The following SYT7 variants were observed in gnomAD, a reference collection of about 807,000 sequenced individuals.
SYT7 encodes synaptotagmin-7.
A neutral mutation model predicts 75.1 loss-of-function variants in SYT7; 29 were observed. That is an observed-to-expected ratio of 0.39 (90% confidence interval 0.29 to 0.53). The LOEUF is 0.53. SYT7 is among the 20% of genes least tolerant of loss of function. The pLI is 0.77. For synonymous variants in SYT7, 376 were observed against 401.7 expected (o/e 0.94, Z 0.76); for missense variants, 693 against 953.2 (o/e 0.73, Z 3.59).
intron 1 of SYT7, among the ~76,000 whole-genome samples, chr11:61,579,991 G>A (rs1240966012): frequency 1.3e-5 from 2 of 152,176 alleles, no homozygotes; most frequent in African/African-American, 4.8e-5. Context: ...AGCAATTTCC[G>A]AGGAAGACGG....
intron 3 of SYT7, among the ~76,000 whole-genome samples, chr11:61,550,222 G>A (rs1342675787): frequency 1.3e-5 from 2 of 152,068 alleles, no homozygotes; most frequent in Non-Finnish European, 2.9e-5. Context: ...CCCCACCCCA[G>A]ACACATGCAC....
chr11:61,573,398 C>T (rs1331494698), intron 1 of SYT7, among the ~76,000 whole-genome samples: 1 of 152,158 alleles, frequency 6.6e-6, no homozygotes, highest in African/African-American at 2.4e-5. Flanking sequence ...GCAAGCTTTC[C>T]AAGGGCAGGG....
Position 61,552,178 on chromosome 11 carries a change from A to T in SYT7, c.136-715T>A, listed in dbSNP as rs528489529. On this transcript the variant is annotated intron_variant, in intron 2 of 12. Coordinates refer to ENST00000539008, the MANE Select transcript of SYT7 (RefSeq NM_001365809.2). ...GTACCCCAGGTCCTCCAGCTAAAGG[A>T]AGGGCCGTGGCCACAGCGGCAACTG... 1.9e-3 allele frequency among the ~76,000 whole-genome samples: 295 copies of T among 152,204 alleles called. 1 individual carries two copies. Among genetic ancestry groups the T allele is most frequent in the African/African-American group, 6.9e-3 (286 of 41,528 alleles).
chr11:61,540,811 TTCCCTCGACTCTCCAAGA>T (rs1327542471), intron 6 of SYT7: 3 of 985,294 alleles, frequency 3.0e-6, no homozygotes, highest in Non-Finnish European at 2.4e-6. Context: ...GCAGACCCAA[TTCCCTCGACTCTCCAAGA>T]TCCACGCCTG....
chr11:61,553,443 C>A lies in SYT7; in HGVS notation c.136-1980G>T, dbSNP rs938794129. Among the ~76,000 whole-genome samples, 1 of 152,214 alleles carries A rather than the reference C, an allele frequency of 6.6e-6. No individual in the cohort carries two copies. The highest frequency in any genetic ancestry group is 2.1e-4 in the South Asian group (1 of 4,830). On this transcript the variant is annotated intron_variant, in intron 2 of 12. Transcript: ENST00000539008. This position sits in a 1 kb window ranked among gnomAD's most constrained non-coding sequence, Gnocchi z 5.2. ...ACCCTCTCGTAAGGCAGGGCCGCTG[C>A]CCCTTCCCCGAGGCCAGGAAGGGCA...
At chr11:61,525,183 G>A (rs568946254) in intron 9 of SYT7, among the ~76,000 whole-genome samples, 204 of 152,256 alleles carry the variant, frequency 1.3e-3, no homozygotes, top group Middle Eastern at 3.4e-3. Flanking sequence ...CGCCCTCCCC[G>A]CATCCACGCT....
At position 61,551,314 on chromosome 11, in the gene SYT7, G is replaced by T; in HGVS notation, c.215+70C>A. The T allele has an allele frequency of 7.0e-7, 1 of 1,425,616 alleles. No individual in the cohort carries two copies. The highest frequency in any genetic ancestry group is 9.9e-7 in the Non-Finnish European group (1 of 1,014,650). 88.3% of individuals were successfully genotyped at this position (1,425,616 alleles called of 1,614,324 possible). On this transcript the variant is annotated intron_variant, in intron 3 of 12. Transcript: ENST00000539008. The surrounding 1 kb of genome is among the most constrained non-coding windows in gnomAD (Gnocchi z 5.3). The stretch of plus-strand genomic sequence containing the variant: ...GTGTGGTCAGGTCTGTGGGGCTGGG[G>T]GAGAGAAGGGGCTCCTCCCACCTGG...
At chr11:61,585,305 G>A (rs198761), upstream of SYT7, among the ~76,000 whole-genome samples, 5,245 of 152,114 alleles carry the variant, frequency 0.034, 308 homozygotes, top group African/African-American at 0.12. Context: ...TGCTGAGGAA[G>A]CTGTTTGTGC....
chr11:61,528,981 A>G (rs1359297013), intron 8 of SYT7, among the ~76,000 whole-genome samples: 2 of 152,122 alleles, frequency 1.3e-5, no homozygotes, highest in Non-Finnish European at 2.9e-5. Context: ...CCGTTCTGAC[A>G]TTGAACCACA....
rs1352166952 is a variant in SYT7, at chr11:61,516,220, G to GCCCAC, written c.*2402_*2406dup. 1 of 152,094 alleles carries GCCCAC rather than the reference G, an allele frequency of 6.6e-6. No homozygotes were observed. Among genetic ancestry groups the GCCCAC allele is most frequent in the African/African-American group, 2.4e-5 (1 of 41,318 alleles). The allele number at this position is 152,094 out of a possible 1,614,324, so 9.4% of individuals were successfully genotyped here. A position where few individuals can be genotyped will look rare whatever the true frequency, so the allele number is the denominator to read the frequency against. On this transcript the variant is annotated 3_prime_UTR_variant, in exon 13 of 13. Transcript: ENST00000539008. This position sits in a 1 kb window ranked among gnomAD's most constrained non-coding sequence, Gnocchi z 4.6. ...CCCGTGCTAGCCTACCCGGCCCTCG[G>GCCCAC]CCCACCGCTTGCCGCCCCAACATAG...
At chr11:61,533,880 C>A (rs894969537) in intron 7 of SYT7, among the ~76,000 whole-genome samples, 2 of 152,136 alleles carry the variant, frequency 1.3e-5, no homozygotes, top group Non-Finnish European at 2.9e-5. Flanking sequence ...CAGTTCCCAT[C>A]CTTCTCCCAC....
intron 1 of SYT7, among the ~76,000 whole-genome samples, chr11:61,560,059 A>C (rs563054992): frequency 6.6e-6 from 1 of 152,322 alleles, no homozygotes; most frequent in African/African-American, 2.4e-5. Flanking sequence ...CTCCACATGC[A>C]GTCACAACGA....
At chr11:61,530,814 G>A in intron 8 of SYT7, 1 of 985,402 alleles carries the variant, frequency 1.0e-6, no homozygotes, top group Non-Finnish European at 1.2e-6. Flanking sequence ...GCCTTCTTAA[G>A]CCACAACCCT....
In SYT7 at chr11:61,556,046, A is replaced by AG. The variant is rs1383848054; in HGVS notation, c.135+57dup. ...CCTGTAATTGTGTGTGTGTGTGGGG[A>AG]GGGGGGGCAGTGTGCAGGGCTAGGC... On this transcript the variant is annotated intron_variant, in intron 2 of 12. Transcript: ENST00000539008. 271 of 1,415,796 alleles carry AG rather than the reference A, an allele frequency of 1.9e-4. No homozygotes were observed. The African/African-American group carries it at 2.9e-3, about 15-fold the overall frequency. 87.7% of individuals were successfully genotyped at this position (1,415,796 alleles called of 1,614,324 possible).
At chr11:61,538,306 G>A in intron 6 of SYT7, 40 bp from the exon 7 acceptor site, 2 of 1,508,296 alleles carry the variant, frequency 1.3e-6, no homozygotes, top group Non-Finnish European at 1.8e-6. Context: ...GGTGAAACGA[G>A]GAGGCCCCGT....
At chr11:61,541,075 CT>C (rs2063029390) in intron 6 of SYT7, 1 of 985,388 alleles carries the variant, frequency 1.0e-6, no homozygotes, top group African/African-American at 1.7e-5. Flanking sequence ...GGTGGGGTGT[CT>C]CTCCCAGGGC....
In SYT7 at chr11:61,529,023, C is replaced by T. The variant is rs1039525688; in HGVS notation, c.1201-838G>A. 7.2e-5 allele frequency among the ~76,000 whole-genome samples: 11 copies of T among 152,100 alleles called. 1 individual carries two copies. Among genetic ancestry groups the T allele is most frequent in the Admixed American group, 3.3e-4 (5 of 15,272 alleles). On this transcript the variant is annotated intron_variant, in intron 8 of 12. Transcript: ENST00000539008. Reference sequence around the variant, plus strand: ...AGCTGGGAGGAGGGTCTCCCAGCCACGTGTCTGAACCTGTGAGCACACCAG... The same window carrying T: ...AGCTGGGAGGAGGGTCTCCCAGCCATGTGTCTGAACCTGTGAGCACACCAG...
At chr11:61,556,490 G>A (rs1451016021) in intron 1 of SYT7, among the ~76,000 whole-genome samples, 3 of 152,138 alleles carry the variant, frequency 2.0e-5, no homozygotes, top group South Asian at 2.1e-4. Flanking sequence ...GATCTGTGCC[G>A]GCCTCCAAAC....
At chr11:61,540,657 T>TA in intron 6 of SYT7, 1 of 985,524 alleles carries the variant, frequency 1.0e-6, no homozygotes, top group Non-Finnish European at 1.2e-6. Context: ...GAAGAGATGG[T>TA]ACCCGGGTTC....
Sources: allele counts gnomAD v4.1 joint callset (sites outside exome capture counted in the v4.1 genomes callset), GRCh38; gene constraint gnomAD v4.1.1; non-coding constraint Gnocchi (gnomAD v3.1); transcripts MANE v1.5; gene names NCBI Gene and HGNC (gene_info 2026-07-23, HGNC 2026-07-21).